Variants in LCORL observed in about 807,000 individuals in gnomAD.
LCORL encodes ligand dependent nuclear receptor corepressor like.
Under a neutral mutation model 141.8 loss-of-function variants are expected in LCORL, and 41 were observed. That is an observed-to-expected ratio of 0.29 (90% CI 0.23 to 0.38). The LOEUF (loss-of-function observed/expected upper bound fraction) is 0.38. Among genes scored for constraint, LCORL ranks in the 10% least tolerant of loss-of-function variants. The pLI is 1.00. For synonymous variants in LCORL, 618 were observed against 694.1 expected (o/e 0.89, Z 1.72); for missense variants, 1,759 against 2,035.0 (o/e 0.86, Z 2.61).
intron 4 of LCORL, among the ~76,000 whole-genome samples, chr4:17,920,689 G>T (rs1734149136): frequency 6.6e-6 from 1 of 152,170 alleles, no homozygotes; most frequent in Non-Finnish European, 1.5e-5. Flanking sequence ...CTAAGTTTAT[G>T]CGATATTCTA....
chr4:17,861,078 C>G (rs1013890779), intron 7 of LCORL, among the ~76,000 whole-genome samples: 5 of 152,186 alleles, frequency 3.3e-5, no homozygotes, highest in Non-Finnish European at 7.3e-5. Flanking sequence ...ATTCTGGGGT[C>G]TGGAGGACGA....
intron 4 of LCORL, among the ~76,000 whole-genome samples, chr4:17,950,699 G>C (rs1415051022): frequency 6.6e-6 from 1 of 151,940 alleles, no homozygotes; most frequent in African/African-American, 2.4e-5. Flanking sequence ...ATGGACAGTA[G>C]AAATGTTGAT....
intron 1 of LCORL, among the ~76,000 whole-genome samples, chr4:18,005,483 G>A (rs1312153683): frequency 6.6e-6 from 1 of 152,196 alleles, no homozygotes; most frequent in Non-Finnish European, 1.5e-5. Context: ...CAGTGTCCCA[G>A]CAGGGACTCT....
intron 6 of LCORL, chr4:17,882,747 T>C (rs1727742693): frequency 1.0e-6 from 1 of 984,334 alleles, no homozygotes; most frequent in Non-Finnish European, 1.2e-6. Context: ...GGTTTTTCAA[T>C]AGTAGGAGTG....
intron 5 of LCORL, among the ~76,000 whole-genome samples, chr4:17,907,523 A>G (rs774491160): frequency 1.6e-4 from 24 of 152,216 alleles, no homozygotes; most frequent in Non-Finnish European, 2.9e-4. Context: ...GAGGAGATAT[A>G]AGGGAATATA....
At chr4:17,880,927 T>C in intron 6 of LCORL, 1 of 968,956 alleles carries the variant, frequency 1.0e-6, no homozygotes. Context: ...ATTAACAAAA[T>C]CTGTCAAAAT....
intron 1 of LCORL, among the ~76,000 whole-genome samples, chr4:18,002,104 T>C (rs74979756): frequency 0.015 from 2,268 of 152,256 alleles, 53 homozygotes; most frequent in African/African-American, 0.048. Flanking sequence ...TGTGAAAACA[T>C]TTTCATTAAG....
chr4:17,865,780 A>G lies in LCORL; in HGVS notation c.5602+7608T>C, dbSNP rs369843635. On this transcript the variant is annotated intron_variant, in intron 7 of 7. Coordinates refer to ENST00000635767, the Ensembl canonical transcript of LCORL. ...CACCCCATACTCAATCAAACTCTGTAGGTGGATCCGCACAATCATTTTAAC... is the reference window on the plus strand; with the variant it reads ...CACCCCATACTCAATCAAACTCTGTGGGTGGATCCGCACAATCATTTTAAC... 3.3e-5 allele frequency among the ~76,000 whole-genome samples: 5 copies of G among 152,314 alleles called. No individual in the cohort carries two copies. In the East Asian group the frequency reaches 7.7e-4, roughly 23 times the overall value.
chr4:17,909,185 T>G, exon 5 of LCORL: 3 of 1,613,508 alleles, frequency 1.9e-6, no homozygotes, highest in Non-Finnish European at 1.7e-6. Context: ...CTTGATTCAT[T>G]TGGATACTTT....
intron 1 of LCORL, among the ~76,000 whole-genome samples, chr4:18,014,538 A>G (rs1269242299): frequency 4.6e-5 from 7 of 152,184 alleles, no homozygotes; most frequent in Non-Finnish European, 1.0e-4. Flanking sequence ...ATAGCTTGGC[A>G]ACAGATTAAG....
At chr4:17,866,939 T>C (rs992286353) in intron 7 of LCORL, 3 of 973,376 alleles carry the variant, frequency 3.1e-6, no homozygotes, top group Non-Finnish European at 1.2e-6. Flanking sequence ...TTGAAACCAA[T>C]CTCCTTCTAG....
chr4:17,843,387 CT>C, exon 8 of LCORL: 1 of 1,611,888 alleles, frequency 6.2e-7, no homozygotes, highest in East Asian at 2.2e-5. Flanking sequence ...AAAAAGTAAA[CT>C]TAACCTTGCC....
intron 4 of LCORL, among the ~76,000 whole-genome samples, chr4:17,926,670 G>A (rs376896946): frequency 8.0e-4 from 122 of 152,320 alleles, no homozygotes; most frequent in African/African-American, 2.8e-3. Flanking sequence ...GTGATCATGT[G>A]AGTCAATACT....
chr4:17,977,584 A>C (rs971479328), intron 1 of LCORL, among the ~76,000 whole-genome samples: 1 of 152,184 alleles, frequency 6.6e-6, no homozygotes, highest in African/African-American at 2.4e-5. Flanking sequence ...CATTTGCAAA[A>C]TTTTTAACTG....
chr4:17,906,345 C>T (rs1387627305), intron 5 of LCORL, among the ~76,000 whole-genome samples: 2 of 152,208 alleles, frequency 1.3e-5, no homozygotes, highest in East Asian at 3.9e-4. Flanking sequence ...AAATTTGGTC[C>T]CTACCTACTT....
chr4:17,875,535 GTTC>G (rs1726827811), exon 7 of LCORL: 1 of 1,231,128 alleles, frequency 8.1e-7, no homozygotes, highest in Non-Finnish European at 1.0e-6. Flanking sequence ...ATGCCTTTTA[GTTC>G]TTCTTGACCT....
rs968253993 is a variant in LCORL, at chr4:17,844,144, T to C, written c.*1744A>G. On this transcript the variant is annotated 3_prime_UTR_variant, in exon 8 of 8. Coordinates refer to ENST00000635767, the Ensembl canonical transcript of LCORL. Reference sequence around the variant, plus strand: ...GCATAACAAAATAATATTTATTTACTGTGGATAATAATTCTAGTGGGAATA... The same window carrying C: ...GCATAACAAAATAATATTTATTTACCGTGGATAATAATTCTAGTGGGAATA... 4 of 152,032 alleles carry C rather than the reference T, an allele frequency of 2.6e-5. No homozygotes were observed. The East Asian group carries it at 7.7e-4, about 29-fold the overall frequency. The allele number at this position is 152,032 out of a possible 1,614,324, so 9.4% of individuals were successfully genotyped here.
At chr4:17,986,450 T>C (rs1277175308) in intron 1 of LCORL, among the ~76,000 whole-genome samples, 1 of 152,240 alleles carries the variant, frequency 6.6e-6, no homozygotes, top group Non-Finnish European at 1.5e-5. Flanking sequence ...ACTTTGTTCA[T>C]TCCTTTTCAT....
At chr4:17,938,066 C>T (rs566655407) in intron 4 of LCORL, among the ~76,000 whole-genome samples, 17 of 139,248 alleles carry the variant, frequency 1.2e-4, no homozygotes, top group Middle Eastern at 4.5e-3. Context: ...AGTGCAGTGG[C>T]GCGATCTCAG....
Sources: gnomAD v4.1 joint callset for allele counts (sites outside exome capture counted in the v4.1 genomes callset) on GRCh38, gnomAD v4.1.1 for gene constraint, MANE v1.5 for transcripts, NCBI Gene and HGNC (gene_info 2026-07-23, HGNC 2026-07-21) for gene names.